NGEF: variants seen among roughly 807,000 people sequenced by gnomAD.
NGEF encodes the protein neuronal guanine nucleotide exchange factor.
Under a neutral mutation model 80.9 loss-of-function variants are expected in NGEF, and 31 were observed. The observed-to-expected ratio is 0.38, with a 90% CI of 0.29 to 0.52. The LOEUF is 0.52. Among genes scored for constraint, NGEF ranks in the 20% least tolerant of loss-of-function variants. The probability of loss-of-function intolerance (pLI) is 0.84; values close to 1 mark genes in which losing one functional copy is unlikely to be tolerated. For missense variants in NGEF, 709 were observed against 926.2 expected, an observed-to-expected ratio of 0.77 and a Z score of 3.04; for synonymous variants, 371 against 370.2, an observed-to-expected ratio of 1.00 and a Z score of -0.03.
At chr2:233,002,495 T>C (rs534699992) in intron 1 of NGEF, among the ~76,000 whole-genome samples, 84 of 152,044 alleles carry the variant, frequency 5.5e-4, no homozygotes, top group African/African-American at 1.9e-3. Flanking sequence ...CTGGGCAACA[T>C]AGCAAGACCC....
intron 12 of NGEF, among the ~76,000 whole-genome samples, chr2:232,882,841 C>G (rs1218784956): frequency 6.6e-6 from 1 of 152,218 alleles, no homozygotes; most frequent in Non-Finnish European, 1.5e-5. Flanking sequence ...GCATCTCTCC[C>G]CACATTTAGC....
chr2:232,959,143 T>G (rs1445974584), intron 3 of NGEF, among the ~76,000 whole-genome samples: 1 of 152,234 alleles, frequency 6.6e-6, no homozygotes, highest in Non-Finnish European at 1.5e-5. Flanking sequence ...ATTTCTTCAG[T>G]CTCTTTTAAT....
chr2:232,969,090 G>A (rs542817103), intron 3 of NGEF, among the ~76,000 whole-genome samples: 20 of 152,246 alleles, frequency 1.3e-4, no homozygotes, highest in African/African-American at 4.8e-4. Flanking sequence ...AGCTGAATTC[G>A]GTACTGACTG....
chr2:232,899,810 TCA>T (rs1196654642), intron 5 of NGEF, among the ~76,000 whole-genome samples: 6 of 102,110 alleles, frequency 5.9e-5, no homozygotes, highest in Non-Finnish European at 1.0e-4. Context: ...ACACACGCTC[TCA>T]GTCACTCATA....
intron 1 of NGEF, among the ~76,000 whole-genome samples, chr2:233,005,315 A>C (rs1213118388): frequency 1.3e-5 from 2 of 152,186 alleles, no homozygotes; most frequent in Non-Finnish European, 2.9e-5. Flanking sequence ...GTGGGGGAGC[A>C]GTGCCCTTGG....
chr2:232,900,722 TCA>T (rs1232340359), intron 5 of NGEF, among the ~76,000 whole-genome samples: 1 of 112,326 alleles, frequency 8.9e-6, no homozygotes, highest in East Asian at 2.3e-4. Context: ...ACACACGCTC[TCA>T]GTCACTCATA....
At chr2:232,930,140 A>G (rs1236493215) in intron 3 of NGEF, among the ~76,000 whole-genome samples, 10 of 152,146 alleles carry the variant, frequency 6.6e-5, no homozygotes, top group Admixed American at 1.3e-4. Context: ...ACAGGGTGTC[A>G]TCAGAACCCA....
chr2:232,987,304 C>T (rs1694551764), intron 1 of NGEF, among the ~76,000 whole-genome samples: 1 of 152,178 alleles, frequency 6.6e-6, no homozygotes, highest in Non-Finnish European at 1.5e-5. Context: ...AGGCATTAGA[C>T]ACCGTGCCTG....
chr2:233,001,284 C>T (rs779964985), intron 1 of NGEF, among the ~76,000 whole-genome samples: 6 of 152,232 alleles, frequency 3.9e-5, no homozygotes, highest in South Asian at 2.1e-4. Flanking sequence ...GGAGGCAACT[C>T]CTAACATCTC....
rs549986405 is a variant in NGEF, at chr2:232,885,158, C to T, written c.1437+122G>A. 4.9e-4 allele frequency: 423 copies of T among 855,600 alleles called. 1 individual carries two copies. Among genetic ancestry groups the T allele is most frequent in the East Asian group, 2.4e-4 (10 of 40,882 alleles). The allele number at this position is 855,600 out of a possible 1,614,324, so 53.0% of individuals were successfully genotyped here. On this transcript the variant is annotated intron_variant, in intron 10 of 14. Transcript: ENST00000264051. ...GGGGAGGTCAGGGGGCAGAGGGGAT[C>T]CTAAGTGTGGCCAGTGACCAAGGAC... is the stretch of plus-strand genomic sequence containing the variant.
In NGEF at chr2:232,879,421, C is replaced by G. The variant is rs778369; in HGVS notation, c.*68G>C. 9.7e-3 allele frequency: 327 copies of G among 33,816 alleles called. 5 individuals carry two copies. The highest frequency in any genetic ancestry group is 0.012 in the Middle Eastern group (1 of 86). The allele number at this position is 33,816 out of a possible 1,614,324, so 2.1% of individuals were successfully genotyped here. A position where few individuals can be genotyped will look rare whatever the true frequency, so the allele number is the denominator to read the frequency against. On this transcript the variant is annotated 3_prime_UTR_variant, in exon 15 of 15. Transcript: ENST00000264051. ...AGGTGCTGGCCTGTGCTTCCCAGAG[C>G]CCCCCCCCCCCCACCTTCTGTCGGG...
intron 9 of NGEF, among the ~76,000 whole-genome samples, chr2:232,886,165 C>CGG (rs71058504): frequency 1.3e-5 from 2 of 149,904 alleles, no homozygotes; most frequent in African/African-American, 2.5e-5. Context: ...GCGGTGTGTA[C>CGG]TGTGTGTGAT....
In NGEF at chr2:232,879,512, G is replaced by C. The variant is rs761037996; in HGVS notation, c.2110C>G (p.Leu704Val). The C allele has an allele frequency of 1.2e-6, 2 of 1,600,700 alleles. No homozygotes were observed. Among genetic ancestry groups the C allele is most frequent in the Non-Finnish European group, 1.7e-6 (2 of 1,171,190 alleles). Residue 704 changes from leucine to valine, a missense_variant, in exon 15 of 15, where the codon CTG becomes GTG. Physicochemically the swap from Leu to Val is conservative, Grantham distance 32. Around this residue, in one of 2 missense-constraint regions of NGEF, gnomAD observed 426 missense variants for 622.9 expected, o/e 0.68. Coordinates refer to ENST00000264051, the MANE Select transcript of NGEF (RefSeq NM_019850.3). ...GGTCATTGCCGATTCCGGCTGCCCAGCTTCCTGCGGTCCTTGTTCTGGCTG... is the reference window on the plus strand; with the variant it reads ...GGTCATTGCCGATTCCGGCTGCCCACCTTCCTGCGGTCCTTGTTCTGGCTG... Reference protein sequence around the residue: ...QRSQNKDRRKLGSRNRQ With the variant: ...QRSQNKDRRKVGSRNRQ
At chr2:232,899,228 T>C (rs1575000329) in intron 5 of NGEF, among the ~76,000 whole-genome samples, 1 of 152,042 alleles carries the variant, frequency 6.6e-6, no homozygotes, top group African/African-American at 2.4e-5. Flanking sequence ...TGTGAATGTG[T>C]GCATATGAGG....
In NGEF at chr2:232,879,392, G is replaced by A; in HGVS notation, c.*97C>T. ...CACCCCAAGCCAGATCCTGCCACCT[G>A]GGGAGGTGCTGGCCTGTGCTTCCCA... On this transcript the variant is annotated 3_prime_UTR_variant, in exon 15 of 15. Transcript: ENST00000264051. The A allele has an allele frequency of 1.6e-6, 2 of 1,255,652 alleles. No individual in the cohort carries two copies. The highest frequency in any genetic ancestry group is 1.4e-5 in the South Asian group (1 of 70,842). The allele number at this position is 1,255,652 out of a possible 1,614,324, so 77.8% of individuals were successfully genotyped here. A position where few individuals can be genotyped will look rare whatever the true frequency, so the allele number is the denominator to read the frequency against.
At chr2:232,967,103 C>T (rs936610448) in intron 3 of NGEF, among the ~76,000 whole-genome samples, 1 of 152,112 alleles carries the variant, frequency 6.6e-6, no homozygotes, top group African/African-American at 2.4e-5. Flanking sequence ...GCGGATCCCT[C>T]ATGTCTCTGT....
rs764125173 is a variant in NGEF, at chr2:232,885,349, C to G, written c.1368G>C (p.Glu456Asp). 6.2e-7 allele frequency: 1 copy of G among 1,614,148 alleles called. No homozygotes were observed. Among genetic ancestry groups the G allele is most frequent in the Admixed American group, 1.7e-5 (1 of 60,018 alleles). The change falls in exon 10 of 15, where the codon GAG (glutamate) becomes GAC (aspartate). Residue 456 changes from glutamate (E) to aspartate (D), a missense_variant. By Grantham distance (45) the Glu-to-Asp change is conservative. Transcript: ENST00000264051. ...ELEMVVKACN[E>D]GVRKMSRTEQ... ...CCGTGCGGCTCATTTTCCTGACGCC[C>G]TCGTTGCATGCCTTCACCACCTGGG...
chr2:233,012,699 TC>T, intron 1 of NGEF: 2 of 379,058 alleles, frequency 5.3e-6, no homozygotes, highest in Admixed American at 6.9e-5. Context: ...TGTGTTGTTG[TC>T]CTTTTGAAAG....
At chr2:232,906,337 A>G (rs1692535361) in intron 5 of NGEF, among the ~76,000 whole-genome samples, 1 of 38,536 alleles carries the variant, frequency 2.6e-5, no homozygotes, top group African/African-American at 1.3e-4. Flanking sequence ...CCCGTGTGGG[A>G]GGGAGGTGGG....
Sources: allele counts gnomAD v4.1 joint callset (sites outside exome capture counted in the v4.1 genomes callset), GRCh38; gene constraint gnomAD v4.1.1; regional missense constraint gnomAD v4.1.1; transcripts MANE v1.5; gene names NCBI Gene and HGNC (gene_info 2026-07-23, HGNC 2026-07-21).